Variants in HEXA observed in about 807,000 individuals in gnomAD.
The protein encoded by HEXA is beta-hexosaminidase subunit alpha.
Under a neutral mutation model 73.3 loss-of-function variants are expected in HEXA, and 54 were observed. The observed-to-expected ratio is 0.74, with a 90% CI of 0.59 to 0.92. The LOEUF (loss-of-function observed/expected upper bound fraction) is 0.92. Ranked by LOEUF, HEXA falls within the 40% of genes least tolerant of loss-of-function variation. HEXA has a pLI of 0.00. For missense variants in HEXA, 649 were observed against 653.0 expected (o/e 0.99, Z 0.07); for synonymous variants, 230 against 246.9 (o/e 0.93, Z 0.64).
intron 13 of HEXA, 146 bp downstream of exon 13, chr15:72,345,300 G>T: frequency 9.1e-6 from 13 of 1,435,318 alleles, no homozygotes; most frequent in Middle Eastern, 3.9e-4. Context: ...ACTTTTTATC[G>T]CAGTTGGTTG....
intron 7 of HEXA, 52 bp from the exon 8 acceptor site, chr15:72,349,311 G>A (rs763685631): frequency 7.2e-6 from 10 of 1,387,960 alleles, no homozygotes; most frequent in Admixed American, 1.7e-5. Flanking sequence ...AAACCCCCAC[G>A]CACAGTCCTA....
In HEXA at chr15:72,355,542, C is replaced by G; in HGVS notation, c.412+17G>C. On this transcript the variant is annotated intron_variant, in intron 3 of 13. Transcript: ENST00000268097. ...TCATCCTTTCTCTCTCTCTTTTAAT[C>G]AGCCCCAATTTGTTACCTCGGAGAG... 2 of 1,563,146 alleles carry G rather than the reference C, an allele frequency of 1.3e-6. No individual in the cohort carries two copies. Among genetic ancestry groups the G allele is most frequent in the Non-Finnish European group, 8.8e-7 (1 of 1,133,586 alleles).
At chr15:72,353,805 G>T (rs2088735507) in intron 3 of HEXA, 68 bp from the exon 4 acceptor site, 7 of 1,144,180 alleles carry the variant, frequency 6.1e-6, no homozygotes, top group African/African-American at 1.5e-5. Context: ...TATTTGGAAG[G>T]TTCTCAATGT....
chr15:72,347,754 G>A lies in HEXA; in HGVS notation c.1078C>T (p.Leu360=), dbSNP rs1464184866. The A allele has an allele frequency of 6.2e-7, 1 of 1,614,104 alleles. No homozygotes were observed. Among genetic ancestry groups the A allele is most frequent in the Middle Eastern group, 1.6e-4 (1 of 6,062 alleles). Residue 360 remains leucine (L), a synonymous_variant, in exon 10 of 14, where the codon CTG becomes TTG. Transcript: ENST00000268097. ...TTGCCATAAGAAGAGACGATGTCCA[G>A]CAGCCTGGAGAGGAGAGGAGTGTCT... is the stretch of plus-strand genomic sequence containing the variant. ...QLESFYIQTL[L]DIVSSYGKGY...
rs181233715 is a variant in HEXA at position 72,343,998 on chromosome 15, G to A, written c.*79C>T. The A allele has an allele frequency of 2.2e-5, 28 of 1,255,242 alleles. No homozygotes were observed. In the East Asian group the frequency reaches 3.7e-4, roughly 17 times the overall value. 77.8% of individuals were successfully genotyped at this position (1,255,242 alleles called of 1,614,324 possible). A position where few individuals can be genotyped will look rare whatever the true frequency, so the allele number is the denominator to read the frequency against. On this transcript the variant is annotated 3_prime_UTR_variant, in exon 14 of 14. Coordinates refer to ENST00000268097, the MANE Select transcript of HEXA (RefSeq NM_000520.6). ...AAGGGGCACGAAGGCAAGGGGCTCC[G>A]TCCCCTGGCCAGGATGCAGTGGAAG...
chr15:72,356,735 T>C (rs1489774326), intron 1 of HEXA, 118 bp from the exon 2 acceptor site: 2 of 1,474,426 alleles, frequency 1.4e-6, no homozygotes, highest in South Asian at 1.2e-5. Flanking sequence ...AGGGAGGACA[T>C]GGCATTTACC....
chr15:72,345,413 C>T (rs2088597328), intron 13 of HEXA, 33 bp downstream of exon 13: 6 of 1,613,574 alleles, frequency 3.7e-6, no homozygotes, highest in South Asian at 3.3e-5. Flanking sequence ...ATCTGGCCTG[C>T]TCCGCCTTGC....
intron 1 of HEXA, among the ~76,000 whole-genome samples, chr15:72,374,004 G>A (rs1330014440): frequency 3.8e-5 from 5 of 132,738 alleles, no homozygotes; most frequent in Admixed American, 1.6e-4. Flanking sequence ...GCGAGACTCC[G>A]TCTCAAAAAA....
intron 7 of HEXA, 28 bp downstream of exon 7, chr15:72,350,490 T>A (rs571944965): frequency 1.9e-6 from 3 of 1,612,522 alleles, no homozygotes; most frequent in South Asian, 2.2e-5. Flanking sequence ...ACAAGCAGAG[T>A]CCCTCTGGTC....
intron 3 of HEXA, chr15:72,354,086 G>A (rs910167806): frequency 3.3e-5 from 10 of 304,892 alleles, no homozygotes; most frequent in Non-Finnish European, 4.9e-5. Context: ...CAGACACAGA[G>A]ACAACTCAGC....
intron 1 of HEXA, among the ~76,000 whole-genome samples, chr15:72,363,586 T>C (rs2088879951): frequency 6.6e-6 from 1 of 152,202 alleles, no homozygotes; most frequent in Admixed American, 6.5e-5. Flanking sequence ...TCCTTAGTGC[T>C]GCTGAATTTA....
At chr15:72,374,406 C>T (rs1322481648) in intron 1 of HEXA, among the ~76,000 whole-genome samples, 2 of 152,174 alleles carry the variant, frequency 1.3e-5, no homozygotes, top group African/African-American at 2.4e-5. Flanking sequence ...TAAGGACTAC[C>T]CTGATGCTGA....
At chr15:72,374,084 A>T (rs2089027000) in intron 1 of HEXA, among the ~76,000 whole-genome samples, 1 of 99,310 alleles carries the variant, frequency 1.0e-5, no homozygotes, top group Non-Finnish European at 2.4e-5. Flanking sequence ...GCTTTTGAGA[A>T]TCTTATAATT....
At chr15:72,359,693 CAAAAAAAAAAAAA>C (rs71133986) in intron 1 of HEXA, 1 of 17,572 alleles carries the variant, frequency 5.7e-5, no homozygotes, top group East Asian at 2.8e-3. Flanking sequence ...GAAACTGTCT[CAAAAAAAAAAAAA>C]AAAAAAAAAA....
Position 72,376,007 on chromosome 15 carries a change from C to T in HEXA, c.-35G>A, listed in dbSNP as rs1342016564. On this transcript the variant is annotated 5_prime_UTR_variant, in exon 1 of 14. Transcript: ENST00000268097. ...GTCTCCCCTCTCGGAGGGGGCTGGC[C>T]ACGTGAGACCCTGGTCAGGTGAGCG... is the stretch of plus-strand genomic sequence containing the variant. 6.2e-7 allele frequency: 1 copy of T among 1,608,006 alleles called. No homozygotes were observed. Among genetic ancestry groups the T allele is most frequent in the East Asian group, 2.2e-5 (1 of 44,882 alleles).
Position 72,355,640 on chromosome 15 carries a change from T to C in HEXA, c.347-16A>G. ...GTCAGGGTATCTGAAATGACAGAAA[T>C]GAACTCATTTAGTTGGTTAAGGTTT... On this transcript the variant is annotated splice_polypyrimidine_tract_variant and intron_variant, in intron 2 of 13. Transcript: ENST00000268097. 6.3e-7 allele frequency: 1 copy of C among 1,576,444 alleles called. No homozygotes were observed. The highest frequency in any genetic ancestry group is 1.1e-5 in the South Asian group (1 of 90,302).
intron 11 of HEXA, 38 bp downstream of exon 11, chr15:72,346,488 AG>A (rs1479813524): frequency 3.1e-6 from 5 of 1,600,570 alleles, no homozygotes; most frequent in East Asian, 2.2e-5. Flanking sequence ...GCCCCAACCC[AG>A]CCTCCTTTGG....
At chr15:72,346,187 C>T (rs1334766900) in intron 12 of HEXA, 48 bp downstream of exon 12, 1 of 1,402,256 alleles carries the variant, frequency 7.1e-7, no homozygotes, top group African/African-American at 1.4e-5. Context: ...TAAGGGAGAA[C>T]TCCTGCTCTC....
At chr15:72,367,833 C>T (rs1448132394) in intron 1 of HEXA, among the ~76,000 whole-genome samples, 1 of 152,200 alleles carries the variant, frequency 6.6e-6, no homozygotes, top group African/African-American at 2.4e-5. Context: ...TCTTCACCCC[C>T]ACTAACTTCT....
Sources: gnomAD v4.1 joint callset for allele counts (sites outside exome capture counted in the v4.1 genomes callset) on GRCh38, gnomAD v4.1.1 for gene constraint, MANE v1.5 for transcripts, NCBI Gene and HGNC (gene_info 2026-07-23, HGNC 2026-07-21) for gene names.